FASN: variants seen among roughly 807,000 people sequenced by gnomAD.
FASN encodes the protein fatty acid synthase, also known as 3-hydroxyacyl-[acyl-carrier-protein] dehydratase.
Under a neutral mutation model 250.0 loss-of-function variants are expected in FASN, and 50 were observed. That is an observed-to-expected ratio of 0.20 (90% CI 0.16 to 0.25). FASN has a LOEUF of 0.25. Among genes scored for constraint, FASN ranks in the 10% least tolerant of loss-of-function variants. The pLI, the probability that FASN is intolerant of heterozygous loss-of-function variation, is 1.00. For synonymous variants in FASN, 1,909 were observed against 1,584.0 expected (o/e 1.21, Z -4.87); for missense variants, 3,031 against 3,498.5 (o/e 0.87, Z 3.37).
intron 3 of FASN, among the ~76,000 whole-genome samples, chr17:82,094,773 G>C (rs1042688583): frequency 1.3e-5 from 2 of 151,740 alleles, no homozygotes; most frequent in Admixed American, 1.3e-4. Context: ...TGGTGACAGA[G>C]TGAGACTCCG....
At chr17:82,093,154 G>A in intron 5 of FASN, 65 bp downstream of exon 5, 1 of 1,535,672 alleles carries the variant, frequency 6.5e-7, no homozygotes, top group Non-Finnish European at 8.8e-7. Flanking sequence ...TCAGCGTGGG[G>A]ACTGTGCGGG....
In FASN at chr17:82,088,024, G is replaced by A. The variant is rs770009057; in HGVS notation, c.2796C>T (p.Ser932=). The A allele has an allele frequency of 2.5e-5, 41 of 1,612,652 alleles. No individual in the cohort carries two copies. The East Asian group carries it at 3.1e-4, about 12-fold the overall frequency. The change falls in exon 18 of 43, where the codon TCC becomes TCT. Residue 932 remains serine (S), a synonymous_variant. Coordinates refer to ENST00000306749, the MANE Select transcript of FASN (RefSeq NM_004104.5). ...AGGCCTCCAGGAGCCGTACCTCCAGGGACACTGTCCCTGCAGAGCGGGAGA... is the reference window on the plus strand; with the variant it reads ...AGGCCTCCAGGAGCCGTACCTCCAGAGACACTGTCCCTGCAGAGCGGGAGA... The part of the protein sequence containing the change: ...ATILPKTGTV[S]LEVRLLEASR...
chr17:82,084,027 C>G lies in FASN; in HGVS notation c.5046G>C (p.Gln1682His). ...LIHSGSGGVG[Q>H]AAIAIALSLG... ...GACTGAGGGCGATGGCGATGGCGGC[C>G]TGGCCCACGCCGCCCGAGCCCGAGT... Residue 1682 changes from glutamine to histidine, a missense_variant, in exon 29 of 43, where the codon CAG (glutamine) becomes CAC (histidine). By Grantham distance (24) the Gln-to-His change is conservative (BLOSUM62 0). Coordinates refer to ENST00000306749, the MANE Select transcript of FASN (RefSeq NM_004104.5). 6.5e-7 allele frequency: 1 copy of G among 1,540,538 alleles called. No individual in the cohort carries two copies. Among genetic ancestry groups the G allele is most frequent in the Non-Finnish European group, 8.7e-7 (1 of 1,145,586 alleles).
intron 3 of FASN, chr17:82,094,206 T>C (rs762133559): frequency 7.1e-5 from 21 of 294,266 alleles, no homozygotes; most frequent in Non-Finnish European, 1.3e-4. Flanking sequence ...GAACAGGCCG[T>C]GATAAGGAAC....
At chr17:82,096,966 T>C in intron 1 of FASN, 1 of 236,600 alleles carries the variant, frequency 4.2e-6, no homozygotes, top group East Asian at 1.1e-4. Flanking sequence ...GGCATGGAGG[T>C]GGCTGGGAGC....
Position 82,078,904 on chromosome 17 carries a change from C to T in FASN, c.*239G>A, listed in dbSNP as rs1027229618. On this transcript the variant is annotated 3_prime_UTR_variant, in exon 43 of 43. Transcript: ENST00000306749. This position sits in a 1 kb window ranked among gnomAD's most constrained non-coding sequence, Gnocchi z 5.4. ...CAGTTCCTGCGGGCACGGGCACCAC[C>T]GGCTCTTCACAGACCAGGAGTCTCC... The T allele has an allele frequency of 6.6e-5, 39 of 594,348 alleles. No homozygotes were observed. Among genetic ancestry groups the T allele is most frequent in the Non-Finnish European group, 1.0e-4 (35 of 338,354 alleles). The allele number at this position is 594,348 out of a possible 1,614,324, so 36.8% of individuals were successfully genotyped here. A position where few individuals can be genotyped will look rare whatever the true frequency, so the allele number is the denominator to read the frequency against.
intron 13 of FASN, 37 bp downstream of exon 13, chr17:82,089,212 CT>C: frequency 1.2e-6 from 2 of 1,607,598 alleles, no homozygotes; most frequent in South Asian, 1.1e-5. Flanking sequence ...TGTGGGTCCC[CT>C]GGCCCGCCCC....
At chr17:82,089,526 G>C in intron 12 of FASN, 106 bp downstream of exon 12, 1 of 1,547,528 alleles carries the variant, frequency 6.5e-7, no homozygotes, top group Non-Finnish European at 8.8e-7. Flanking sequence ...CCATGCCCCA[G>C]GCCCGTCAGA....
Position 82,090,478 on chromosome 17 carries a change from G to A in FASN, c.1767C>T (p.Tyr589=), listed in dbSNP as rs549785314. Residue 589 remains tyrosine, a synonymous_variant, in exon 11 of 43, where the codon TAC becomes TAT. Transcript: ENST00000306749. ...GHSLGEVACG[Y]ADGCLSQEEA... ...CCTCCTGGGACAGGCAGCCGTCGGC[G>A]TAGCCACAGGCCACCTCCCCCAGGG... is the stretch of plus-strand genomic sequence containing the variant. The A allele has an allele frequency of 3.1e-5, 50 of 1,609,290 alleles. No homozygotes were observed. The highest frequency in any genetic ancestry group is 3.6e-5 in the Non-Finnish European group (42 of 1,178,726).
In FASN at chr17:82,088,526, C is replaced by G. The variant is rs768858072; in HGVS notation, c.2457G>C (p.Val819=). 6.2e-7 allele frequency: 1 copy of G among 1,607,796 alleles called. No homozygotes were observed. Among genetic ancestry groups the G allele is most frequent in the Non-Finnish European group, 8.5e-7 (1 of 1,176,508 alleles). Residue 819 remains valine (V), a synonymous_variant, in exon 16 of 43, where the codon GTG becomes GTC. Transcript: ENST00000306749. ...DANPNALFPP[V]EFPAPRGTPL... ...GAGTTCCTCGGGGAGCTGGGAACTC[C>G]ACAGGTGGGAACAAGGCATTGGGGT...
chr17:82,084,415 C>T, intron 27 of FASN, 31 bp from the exon 28 acceptor site: 1 of 1,592,322 alleles, frequency 6.3e-7, no homozygotes, highest in Non-Finnish European at 8.5e-7. Flanking sequence ...CCCCTCACCG[C>T]CTGCCCTTCC....
At chr17:82,090,171 T>C (rs1219292989) in intron 11 of FASN, among the ~76,000 whole-genome samples, 5 of 152,190 alleles carry the variant, frequency 3.3e-5, no homozygotes, top group Non-Finnish European at 2.9e-5. Context: ...CATGGACACG[T>C]GCCTAGGCCC....
At chr17:82,079,789 C>A in intron 41 of FASN, 181 bp from the exon 42 acceptor site, 1 of 829,164 alleles carries the variant, frequency 1.2e-6, no homozygotes, top group Non-Finnish European at 1.8e-6. Flanking sequence ...CGATTCTCCT[C>A]CCTCCGCAAC....
rs1210566162 is a variant in FASN at position 82,090,977 on chromosome 17, G to A, written c.1585C>T (p.Pro529Ser). The change falls in exon 10 of 43, where the codon CCA becomes TCA. Residue 529 changes from proline (P) to serine (S), a missense_variant. Coordinates refer to ENST00000306749, the MANE Select transcript of FASN (RefSeq NM_004104.5). ...AGCTGTGACACCTTCAGGCCGAATGGCTTCACAGCCTCATCGGAGCGTAGG... is the reference window on the plus strand; with the variant it reads ...AGCTGTGACACCTTCAGGCCGAATGACTTCACAGCCTCATCGGAGCGTAGG... ...SILRSDEAVK[P>S]FGLKVSQLLL... 10 of 1,612,904 alleles carry A rather than the reference G, an allele frequency of 6.2e-6. No homozygotes were observed. The highest frequency in any genetic ancestry group is 8.5e-6 in the Non-Finnish European group (10 of 1,179,988).
chr17:82,096,135 C>T (rs535017218), intron 2 of FASN, among the ~76,000 whole-genome samples, 184 bp downstream of exon 2: 2 of 152,362 alleles, frequency 1.3e-5, no homozygotes, highest in East Asian at 3.9e-4. Context: ...CACTCTGGTG[C>T]AATGTCCAGG....
chr17:82,093,112 G>T (rs970193622), intron 5 of FASN, 93 bp from the exon 6 acceptor site: 10 of 1,571,864 alleles, frequency 6.4e-6, no homozygotes, highest in Non-Finnish European at 7.8e-6. Flanking sequence ...GGGTGCTTGG[G>T]TGGGGGATCC....
At position 82,082,055 on chromosome 17, in the gene FASN, G is replaced by A. The variant is rs1230067800; in HGVS notation, c.6117C>T (p.Ser2039=). ...GTTTCTCACAGATACGCTCCATGGC[G>A]GAATTGGCAAAGCCGTAGTTGCTCT... ...AGQSNYGFAN[S]AMERICEKRR... The change falls in exon 36 of 43, where the codon TCC becomes TCT. Residue 2039 remains serine, a synonymous_variant. Transcript: ENST00000306749. 2.8e-5 allele frequency: 45 copies of A among 1,610,500 alleles called. No individual in the cohort carries two copies. The highest frequency in any genetic ancestry group is 3.5e-5 in the Non-Finnish European group (41 of 1,179,978).
At chr17:82,096,702 T>C (rs1334490168) in intron 1 of FASN, 7 of 545,902 alleles carry the variant, frequency 1.3e-5, no homozygotes, top group Middle Eastern at 5.0e-4. Context: ...GTTCAGGGTA[T>C]TGGCTGGGGT....
rs2034020044 is a variant in FASN at position 82,083,049 on chromosome 17, T to C, written c.5632A>G (p.Lys1878Glu). The C allele has an allele frequency of 6.2e-7, 1 of 1,612,626 alleles. No individual in the cohort carries two copies. Residue 1878 changes from lysine (K) to glutamate (E), a missense_variant, in exon 33 of 43, where the codon AAG (lysine) becomes GAG (glutamate). By Grantham distance (56) the Lys-to-Glu change is moderately conservative (BLOSUM62 1). Coordinates refer to ENST00000306749, the MANE Select transcript of FASN (RefSeq NM_004104.5). ...CTCTTGTGGGCCGGGCAGAAGGTCT[T>C]GGAGATGGCCGACATCAGCTTGGGT... ...AKPKLMSAISKTFCPAHKSYI... is the reference protein window; with the variant it reads ...AKPKLMSAISETFCPAHKSYI...
Sources: allele counts gnomAD v4.1 joint callset (sites outside exome capture counted in the v4.1 genomes callset), GRCh38; gene constraint gnomAD v4.1.1; non-coding constraint Gnocchi (gnomAD v3.1); transcripts MANE v1.5; gene names NCBI Gene and HGNC (gene_info 2026-07-23, HGNC 2026-07-21).